The following ZNF717 variants were observed in gnomAD, a reference collection of about 807,000 sequenced individuals.
ZNF717 encodes the protein krueppel-like factor X17.
Under a neutral mutation model 13.8 loss-of-function variants are expected in ZNF717, and 9 were observed. The ratio of observed to expected loss-of-function variants is 0.65; its 90% CI spans 0.39 to 1.14. The LOEUF (loss-of-function observed/expected upper bound fraction) is 1.14. ZNF717 is among the 50% of genes most tolerant of loss of function. ZNF717 has a pLI of 0.01. For missense variants in ZNF717, 1,040 were observed against 1,080.7 expected (o/e 0.96, Z 0.53); for synonymous variants, 327 against 364.1 (o/e 0.90, Z 1.16).
chr3:75,700,665 G>C (rs1285831173), intron 6 of ZNF717, among the ~76,000 whole-genome samples: 21 of 152,298 alleles, frequency 1.4e-4, no homozygotes, highest in African/African-American at 4.6e-4. Context: ...TTCAACAAAA[G>C]TGCCAAGAAC....
chr3:75,720,826 G>GA (rs1174294018), intron 4 of ZNF717, among the ~76,000 whole-genome samples: 27 of 151,898 alleles, frequency 1.8e-4, no homozygotes, highest in African/African-American at 5.1e-4. Context: ...TTACTAAAAA[G>GA]AAAAAAAAGA....
chr3:75,740,786 A>G (rs1940310050), intron 4 of ZNF717, among the ~76,000 whole-genome samples: 1 of 152,160 alleles, frequency 6.6e-6, no homozygotes, highest in South Asian at 2.1e-4. Flanking sequence ...AACTATAATC[A>G]TGCCACTGCA....
intron 2 of ZNF717, among the ~76,000 whole-genome samples, chr3:75,747,583 G>A (rs1426570160): frequency 6.6e-6 from 1 of 152,114 alleles, no homozygotes; most frequent in Non-Finnish European, 1.5e-5. Context: ...CACAACCATT[G>A]TAAGTTGGAT....
intron 4 of ZNF717, among the ~76,000 whole-genome samples, chr3:75,719,479 A>C (rs1575720945): frequency 1.3e-5 from 2 of 152,204 alleles, no homozygotes; most frequent in Non-Finnish European, 2.9e-5. Flanking sequence ...CTGTACTGTG[A>C]AATGTACATT....
chr3:75,784,923 C>A (rs944831795), intron 1 of ZNF717: 2 of 152,176 alleles, frequency 1.3e-5, no homozygotes, highest in Admixed American at 6.5e-5. Context: ...ACCCTTAAGG[C>A]TGAAGACCAT....
At chr3:75,723,636 G>A (rs1186811266) in intron 4 of ZNF717, among the ~76,000 whole-genome samples, 3 of 152,212 alleles carry the variant, frequency 2.0e-5, no homozygotes, top group Admixed American at 2.0e-4. Context: ...GACATGGTGA[G>A]AAGTGACCAG....
chr3:75,718,709 C>T (rs898769549), intron 4 of ZNF717, among the ~76,000 whole-genome samples: 1 of 152,082 alleles, frequency 6.6e-6, no homozygotes, highest in African/African-American at 2.4e-5. Context: ...ACCTAGATCC[C>T]TCACATGTGC....
At chr3:75,711,733 C>G (rs1432369570) in intron 5 of ZNF717, among the ~76,000 whole-genome samples, 1 of 152,186 alleles carries the variant, frequency 6.6e-6, no homozygotes, top group Non-Finnish European at 1.5e-5. Flanking sequence ...GCTTGGGCAA[C>G]AGAGTGAGAC....
At chr3:75,745,799 C>CT (rs75682145) in intron 2 of ZNF717, among the ~76,000 whole-genome samples, 769 of 144,442 alleles carry the variant, frequency 5.3e-3, no homozygotes, top group Admixed American at 0.012. Flanking sequence ...ACAGGGTTTT[C>CT]TTTTTTTTTT....
At chr3:75,711,792 T>A (rs1275464352) in intron 5 of ZNF717, among the ~76,000 whole-genome samples, 2 of 152,224 alleles carry the variant, frequency 1.3e-5, no homozygotes, top group African/African-American at 4.8e-5. Context: ...GTATTTGTTA[T>A]TTTCTATGAA....
chr3:75,718,754 G>A (rs1938112303), intron 4 of ZNF717, among the ~76,000 whole-genome samples: 1 of 152,034 alleles, frequency 6.6e-6, no homozygotes. Context: ...TATGAGAATC[G>A]AATGCTGCAG....
rs758545963 is a variant in ZNF717, at chr3:75,737,460, G to T, written c.2163C>A (p.Ile721=). ...PFIRRQIFRS[I]KVFTRGRNPM... is the part of the protein sequence containing the mutation. ...GGTTTCTCCCCCGTGTGAATACCTT[G>T]ATGCTTCTGAAGATTTGCCTTCTGA... is the stretch of plus-strand genomic sequence containing the variant. Residue 721 remains isoleucine (I), a synonymous_variant, in exon 5 of 5, where the codon ATC becomes ATA. Transcript: ENST00000652011. The T allele has an allele frequency of 7.1e-6, 11 of 1,555,286 alleles. No homozygotes were observed. The highest frequency in any genetic ancestry group is 9.6e-6 in the Non-Finnish European group (11 of 1,149,258).
chr3:75,722,049 C>T (rs1575722467), intron 4 of ZNF717, among the ~76,000 whole-genome samples: 2 of 150,248 alleles, frequency 1.3e-5, no homozygotes, highest in Non-Finnish European at 3.0e-5. Flanking sequence ...AGATCAAGAC[C>T]ATCCTGGCCA....
chr3:75,737,666 C>T lies in ZNF717; in HGVS notation c.1957G>A (p.Gly653Arg), dbSNP rs75032682. The change falls in exon 5 of 5, where the codon GGA becomes AGA. Residue 653 changes from glycine to arginine, a missense_variant. Gly to Arg is a moderately radical substitution (Grantham distance 125, BLOSUM62 -2). Transcript: ENST00000652011. ...AATGACTTGCGATGAAAGGTTTTTC[C>T]ACATTCATTACATACGTAAGGTTTC... is the stretch of plus-strand genomic sequence containing the variant. Reference protein sequence around the residue: ...GEKPYVCNECGKTFHRKSFLT... With the variant: ...GEKPYVCNECRKTFHRKSFLT... 3.2e-6 allele frequency: 5 copies of T among 1,542,398 alleles called. No individual in the cohort carries two copies. Among genetic ancestry groups the T allele is most frequent in the African/African-American group, 1.4e-5 (1 of 71,658 alleles).
intron 2 of ZNF717, among the ~76,000 whole-genome samples, chr3:75,769,748 A>G (rs1424182972): frequency 1.3e-5 from 2 of 152,232 alleles, no homozygotes; most frequent in Non-Finnish European, 2.9e-5. Flanking sequence ...CCAAGAAATC[A>G]ACTAGTTTTA....
downstream of ZNF717, chr3:75,732,055 T>C (rs1938606365): frequency 1.3e-5 from 9 of 702,708 alleles, no homozygotes; most frequent in East Asian, 2.1e-4. Flanking sequence ...TATTGTAAAA[T>C]TTACCTCCTG....
chr3:75,754,130 C>A (rs1352640433), intron 2 of ZNF717, among the ~76,000 whole-genome samples: 2 of 152,260 alleles, frequency 1.3e-5, no homozygotes, highest in Non-Finnish European at 2.9e-5. Flanking sequence ...GCACTTTAGT[C>A]TTGGACTTTC....
At chr3:75,774,502 T>G (rs1174599857) in intron 2 of ZNF717, among the ~76,000 whole-genome samples, 2 of 151,934 alleles carry the variant, frequency 1.3e-5, no homozygotes, top group Admixed American at 6.6e-5. Flanking sequence ...TTAAGTCACG[T>G]GGGAAGCACT....
chr3:75,747,893 T>G (rs1488680698), intron 2 of ZNF717, among the ~76,000 whole-genome samples: 1 of 152,014 alleles, frequency 6.6e-6, no homozygotes, highest in Non-Finnish European at 1.5e-5. Context: ...AAAAAATCAA[T>G]GAATCCAGGA....
Sources: allele counts gnomAD v4.1 joint callset (sites outside exome capture counted in the v4.1 genomes callset), GRCh38; gene constraint gnomAD v4.1.1; transcripts MANE v1.5; gene names NCBI Gene and HGNC (gene_info 2026-07-23, HGNC 2026-07-21).